The following SPIRE1 variants were observed in gnomAD, a reference collection of about 807,000 sequenced individuals.
SPIRE1 encodes the protein spire type actin nucleation factor 1.
A neutral mutation model predicts 94.1 loss-of-function variants in SPIRE1; 40 were observed. That is an observed-to-expected ratio of 0.43 (90% CI 0.33 to 0.55). SPIRE1 has a LOEUF of 0.55. Among genes scored for constraint, SPIRE1 ranks in the 20% least tolerant of loss-of-function variants. SPIRE1 has a pLI of 0.06. For missense variants in SPIRE1, 838 were observed against 975.2 expected (o/e 0.86, Z 1.87); for synonymous variants, 376 against 371.7 (o/e 1.01, Z -0.13).
chr18:12,532,019 C>T (rs560234608), intron 4 of SPIRE1, among the ~76,000 whole-genome samples: 1 of 152,252 alleles, frequency 6.6e-6, no homozygotes, highest in East Asian at 1.9e-4. Context: ...ACTTAACTTA[C>T]AAGGATATCA....
intron 8 of SPIRE1, among the ~76,000 whole-genome samples, chr18:12,492,195 C>G (rs2033258545): frequency 6.6e-6 from 1 of 152,140 alleles, no homozygotes; most frequent in African/African-American, 2.4e-5. Context: ...AGGATAGAAA[C>G]TTTGAAGTCC....
intron 13 of SPIRE1, among the ~76,000 whole-genome samples, chr18:12,453,909 C>T (rs532767968): frequency 5.9e-5 from 9 of 152,016 alleles, no homozygotes; most frequent in Middle Eastern, 3.4e-3. Flanking sequence ...CTCAGCCTCC[C>T]GAGTAGCTGG....
chr18:12,588,420 C>T (rs2144573765), intron 2 of SPIRE1: 1 of 152,000 alleles, frequency 6.6e-6, no homozygotes, highest in East Asian at 1.9e-4. Flanking sequence ...ATTAAATAGG[C>T]TGTCAAAATA....
chr18:12,658,529 C>G, upstream of SPIRE1: 1 of 467,348 alleles, frequency 2.1e-6, no homozygotes, highest in Non-Finnish European at 4.5e-6. Context: ...ACCCGGGTCA[C>G]CGCCCTGCAC....
intron 2 of SPIRE1, among the ~76,000 whole-genome samples, chr18:12,580,802 C>T (rs1451685288): frequency 6.6e-6 from 1 of 152,150 alleles, no homozygotes; most frequent in Non-Finnish European, 1.5e-5. Flanking sequence ...GTAATTCCAA[C>T]ACTTGGGAGG....
chr18:12,627,523 T>C (rs970202110), intron 2 of SPIRE1, among the ~76,000 whole-genome samples: 3 of 152,198 alleles, frequency 2.0e-5, no homozygotes, highest in African/African-American at 7.2e-5. Flanking sequence ...TAAACATATG[T>C]GTGCATGTGT....
chr18:12,603,243 T>A (rs2036885933), intron 2 of SPIRE1, among the ~76,000 whole-genome samples: 1 of 152,214 alleles, frequency 6.6e-6, no homozygotes, highest in African/African-American at 2.4e-5. Context: ...AGTTACTAAA[T>A]GTTTATCACT....
At chr18:12,460,404 G>C (rs2143575239) in intron 12 of SPIRE1, among the ~76,000 whole-genome samples, 1 of 152,268 alleles carries the variant, frequency 6.6e-6, no homozygotes, top group Non-Finnish European at 1.5e-5. Flanking sequence ...GAAAAGGGAG[G>C]GAGATACAAC....
At position 12,452,334 on chromosome 18, in the gene SPIRE1, C is replaced by G; in HGVS notation, c.1933G>C (p.Ala645Pro). ...ATACTACTTTCCCCTCTTTGCAGAGCAGAAGGTCCCAATGAAAAGATAGGA... is the reference window on the plus strand; with the variant it reads ...ATACTACTTTCCCCTCTTTGCAGAGGAGAAGGTCCCAATGAAAAGATAGGA... Reference protein sequence around the residue: ...TLPIFSLGPSALQRGESSMRS... With the variant: ...TLPIFSLGPSPLQRGESSMRS... Residue 645 changes from alanine (A) to proline (P), a missense_variant, in exon 16 of 17, where the codon GCT (alanine) becomes CCT (proline). By Grantham distance (27) the Ala-to-Pro change is conservative. Coordinates refer to ENST00000409402, the MANE Select transcript of SPIRE1 (RefSeq NM_001128626.2). 1 of 1,614,124 alleles carries G rather than the reference C, an allele frequency of 6.2e-7. No homozygotes were observed. The highest frequency in any genetic ancestry group is 8.5e-7 in the Non-Finnish European group (1 of 1,180,018).
intron 2 of SPIRE1, among the ~76,000 whole-genome samples, chr18:12,550,453 T>C (rs1008970886): frequency 6.6e-6 from 1 of 152,158 alleles, no homozygotes; most frequent in African/African-American, 2.4e-5. Flanking sequence ...TAGAGTGCAA[T>C]GGTGTGATCG....
chr18:12,653,904 C>T (rs945853399), intron 1 of SPIRE1, among the ~76,000 whole-genome samples: 1 of 151,346 alleles, frequency 6.6e-6, no homozygotes, highest in Non-Finnish European at 1.5e-5. Flanking sequence ...CAAGATTGCG[C>T]CATTGCACTC....
At position 12,535,605 on chromosome 18, in the gene SPIRE1, T is replaced by C. The variant is rs369278198; in HGVS notation, c.604-4A>G. 47 of 1,605,380 alleles carry C rather than the reference T, an allele frequency of 2.9e-5. No homozygotes were observed. Among genetic ancestry groups the C allele is most frequent in the Non-Finnish European group, 3.7e-5 (44 of 1,175,612 alleles). ...TAGGGAGATGAGCAGCACACAACTA[T>C]AGAAGGGGAAAATAAAATAATGGTG... On this transcript the variant is annotated splice_polypyrimidine_tract_variant and splice_region_variant and intron_variant, in intron 3 of 16. Transcript: ENST00000409402.
chr18:12,471,831 T>C (rs904135183), intron 10 of SPIRE1, among the ~76,000 whole-genome samples: 1 of 152,084 alleles, frequency 6.6e-6, no homozygotes, highest in Non-Finnish European at 1.5e-5. Flanking sequence ...GTCACCCCTG[T>C]TGGAGTGCAA....
At chr18:12,532,141 A>G (rs1419674544) in intron 4 of SPIRE1, among the ~76,000 whole-genome samples, 4 of 152,218 alleles carry the variant, frequency 2.6e-5, no homozygotes, top group African/African-American at 9.6e-5. Flanking sequence ...GAATGACCTT[A>G]AAGGAGTTCA....
At chr18:12,507,698 C>T (rs1312450247) in intron 5 of SPIRE1, among the ~76,000 whole-genome samples, 1 of 149,072 alleles carries the variant, frequency 6.7e-6, no homozygotes, top group Non-Finnish European at 1.5e-5. Flanking sequence ...GACTCTGTCT[C>T]AAAAAATAAA....
At chr18:12,536,085 C>G (rs183888826) in intron 3 of SPIRE1, among the ~76,000 whole-genome samples, 1 of 152,182 alleles carries the variant, frequency 6.6e-6, no homozygotes, top group Admixed American at 6.5e-5. Context: ...CATAATTATA[C>G]GGGAAAAGTG....
chr18:12,614,915 C>G (rs1034215859), intron 2 of SPIRE1, among the ~76,000 whole-genome samples: 4 of 146,314 alleles, frequency 2.7e-5, no homozygotes, highest in Admixed American at 1.4e-4. Context: ...ATGGCCAGGC[C>G]CGGTGGCTCA....
chr18:12,481,298 T>C lies in SPIRE1; in HGVS notation c.1232-1427A>G, dbSNP rs544394558. Among the ~76,000 whole-genome samples, 19 of 117,894 alleles carry C rather than the reference T, an allele frequency of 1.6e-4. No individual in the cohort carries two copies. In the South Asian group the frequency reaches 5.7e-3, roughly 35 times the overall value. The allele number at this position is 117,894 out of a possible 152,430, so 77.3% of individuals were successfully genotyped here. ...ACAACCCCCGCCCCCCGCAAGAATG[T>C]GCTGTTTACAGTAGGATATTCCCCC... On this transcript the variant is annotated intron_variant, in intron 9 of 16. Coordinates refer to ENST00000409402, the MANE Select transcript of SPIRE1 (RefSeq NM_001128626.2).
intron 3 of SPIRE1, among the ~76,000 whole-genome samples, chr18:12,543,079 C>T (rs557663776): frequency 3.3e-5 from 5 of 152,282 alleles, no homozygotes; most frequent in African/African-American, 1.2e-4. Flanking sequence ...CCGCCCGTCT[C>T]GGCCTCCCAA....
Sources: gnomAD v4.1 joint callset for allele counts (sites outside exome capture counted in the v4.1 genomes callset) on GRCh38, gnomAD v4.1.1 for gene constraint, MANE v1.5 for transcripts, NCBI Gene and HGNC (gene_info 2026-07-23, HGNC 2026-07-21) for gene names.